SCUBE1: variants seen among roughly 807,000 people sequenced by gnomAD.
The protein encoded by SCUBE1 is signal peptide, CUB and EGF-like domain-containing protein 1.
SCUBE1 carries 59 observed loss-of-function variants against 124.4 expected under a neutral mutation model. The ratio of observed to expected loss-of-function variants is 0.47; its 90% CI spans 0.38 to 0.59. SCUBE1 has a LOEUF of 0.59. Among genes scored for constraint, SCUBE1 ranks in the 20% least tolerant of loss-of-function variants. The pLI, the probability that SCUBE1 is intolerant of heterozygous loss-of-function variation, is 0.00. For missense variants in SCUBE1, 1,150 were observed against 1,371.2 expected (o/e 0.84, Z 2.55); for synonymous variants, 545 against 550.9 (o/e 0.99, Z 0.15).
chr22:43,232,986 G>T (rs1417141747), intron 7 of SCUBE1, among the ~76,000 whole-genome samples: 1 of 152,184 alleles, frequency 6.6e-6, no homozygotes, highest in African/African-American at 2.4e-5. Context: ...AGGCCCCCAT[G>T]CTGGCCACCC....
chr22:43,311,618 T>C (rs1434062860), intron 3 of SCUBE1, among the ~76,000 whole-genome samples: 1 of 150,562 alleles, frequency 6.6e-6, no homozygotes, highest in Admixed American at 6.7e-5. Flanking sequence ...GTAGAAACGG[T>C]GTTTCACCAT....
intron 3 of SCUBE1, among the ~76,000 whole-genome samples, chr22:43,317,332 T>C (rs1264848616): frequency 6.6e-6 from 1 of 152,228 alleles, no homozygotes; most frequent in Non-Finnish European, 1.5e-5. Flanking sequence ...TCTTGGGAAG[T>C]GGATTACGCA....
In SCUBE1 at chr22:43,198,865, TCTG is replaced by T. The variant is rs1030519999; in HGVS notation, c.*5129_*5131del. 1.3e-5 allele frequency: 5 copies of T among 394,986 alleles called. No homozygotes were observed. The highest frequency in any genetic ancestry group is 1.0e-4 in the African/African-American group (5 of 48,442). 24.5% of individuals were successfully genotyped at this position (394,986 alleles called of 1,614,324 possible). A position where few individuals can be genotyped will look rare whatever the true frequency, so the allele number is the denominator to read the frequency against. ...CTGTCTGGGGAAGTGTGTCTGTCTGTCTGCTGTCTGGGGCAGTTTGCTGTCTGC... is the reference window on the plus strand; with the variant it reads ...CTGTCTGGGGAAGTGTGTCTGTCTGTCTGTCTGGGGCAGTTTGCTGTCTGC... On this transcript the variant is annotated 3_prime_UTR_variant, in exon 22 of 22. Transcript: ENST00000360835.
At chr22:43,339,350 A>T in intron 1 of SCUBE1, 115 bp from the exon 2 acceptor site, 2 of 1,004,302 alleles carry the variant, frequency 2.0e-6, no homozygotes, top group Non-Finnish European at 2.9e-6. Context: ...CGGTGGGCTC[A>T]TTGGCAATAA....
At chr22:43,208,361 G>C in intron 19 of SCUBE1, 137 bp from the exon 20 acceptor site, 1 of 773,772 alleles carries the variant, frequency 1.3e-6, no homozygotes, top group Non-Finnish European at 2.1e-6. Flanking sequence ...CTTAGTCTTT[G>C]TGCTTGCTCC....
rs1569029494 is a variant in SCUBE1, at chr22:43,320,083, TGA to T, written c.221-20_221-19del. The T allele has an allele frequency of 6.2e-7, 1 of 1,613,330 alleles. No individual in the cohort carries two copies. The highest frequency in any genetic ancestry group is 8.5e-7 in the Non-Finnish European group (1 of 1,179,530). On this transcript the variant is annotated intron_variant, in intron 2 of 21. Coordinates refer to ENST00000360835, the MANE Select transcript of SCUBE1 (RefSeq NM_173050.5). The stretch of plus-strand genomic sequence containing the variant: ...GTCAATGTCTGCAAAAGGAAGGGCA[TGA>T]GAGGTGTCAGAAGAAGAGCCTGGTG...
intron 11 of SCUBE1, 141 bp from the exon 12 acceptor site, chr22:43,222,883 G>C: frequency 1.1e-6 from 1 of 942,310 alleles, no homozygotes. Context: ...ACAACCACAG[G>C]GAAGTGGCCA....
intron 7 of SCUBE1, 96 bp downstream of exon 7, chr22:43,238,742 C>T (rs764180388): frequency 3.9e-5 from 39 of 998,194 alleles, no homozygotes; most frequent in East Asian, 3.1e-4. Context: ...ACGTGGCCCC[C>T]GTTCAGCCCA....
At chr22:43,226,740 C>T (rs1011203334) in intron 10 of SCUBE1, among the ~76,000 whole-genome samples, 13 of 151,842 alleles carry the variant, frequency 8.6e-5, no homozygotes, top group African/African-American at 2.2e-4. Context: ...AAGGACCCGG[C>T]GTGGAGGTTC....
rs2146643656 is a variant in SCUBE1 at position 43,202,489 on chromosome 22, C to G, written c.*1508G>C. 6.6e-6 allele frequency: 1 copy of G among 152,356 alleles called. No homozygotes were observed. Among genetic ancestry groups the G allele is most frequent in the Middle Eastern group, 3.4e-3 (1 of 294 alleles). 9.4% of individuals were successfully genotyped at this position (152,356 alleles called of 1,614,324 possible). ...AGCTCGCAGGCAGATGAAGAGCAGGCAAGGCCTCCTGGACCTCGGCATGGG... is the reference window on the plus strand; with the variant it reads ...AGCTCGCAGGCAGATGAAGAGCAGGGAAGGCCTCCTGGACCTCGGCATGGG... On this transcript the variant is annotated 3_prime_UTR_variant, in exon 22 of 22. Transcript: ENST00000360835.
chr22:43,285,019 A>G (rs1380625010), intron 4 of SCUBE1, among the ~76,000 whole-genome samples: 1 of 152,174 alleles, frequency 6.6e-6, no homozygotes, highest in African/African-American at 2.4e-5. Context: ...CAGAAGGTGA[A>G]ACGCACTTGG....
rs1229499782 is a variant in SCUBE1 at position 43,207,517 on chromosome 22, C to T, written c.2814+17G>A. The stretch of plus-strand genomic sequence containing the variant: ...ATCCCAGGGTTACGTGGATTCCCTT[C>T]CAATAAACTCACTCACTTTCAAAAT... On this transcript the variant is annotated intron_variant, in intron 21 of 21. Transcript: ENST00000360835. The T allele has an allele frequency of 2.5e-6, 4 of 1,601,334 alleles. No individual in the cohort carries two copies. Among genetic ancestry groups the T allele is most frequent in the African/African-American group, 1.3e-5 (1 of 74,680 alleles).
chr22:43,319,887 A>C, intron 3 of SCUBE1, 50 bp downstream of exon 3: 1 of 1,600,222 alleles, frequency 6.2e-7, no homozygotes, highest in Non-Finnish European at 8.5e-7. Flanking sequence ...GCTGGAGCAA[A>C]GCAACAGGCA....
chr22:43,213,954 G>A lies in SCUBE1; in HGVS notation c.2053+136C>T, dbSNP rs375244568. The A allele has an allele frequency of 6.8e-5, 65 of 949,470 alleles. No individual in the cohort carries two copies. In the South Asian group the frequency reaches 1.0e-3, roughly 15 times the overall value. 58.8% of individuals were successfully genotyped at this position (949,470 alleles called of 1,614,324 possible). A position where few individuals can be genotyped will look rare whatever the true frequency, so the allele number is the denominator to read the frequency against. On this transcript the variant is annotated intron_variant, in intron 16 of 21. Coordinates refer to ENST00000360835, the MANE Select transcript of SCUBE1 (RefSeq NM_173050.5). ...AGACATCGTGAAGGGTTTTGGAAAC[G>A]ACAAGGAACTTTAGAAAATACCACA...
rs1921047986 is a variant in SCUBE1 at position 43,202,563 on chromosome 22, C to T, written c.*1434G>A. 1 of 152,120 alleles carries T rather than the reference C, an allele frequency of 6.6e-6. No homozygotes were observed. Among genetic ancestry groups the T allele is most frequent in the African/African-American group, 2.4e-5 (1 of 41,358 alleles). 9.4% of individuals were successfully genotyped at this position (152,120 alleles called of 1,614,324 possible). A position where few individuals can be genotyped will look rare whatever the true frequency, so the allele number is the denominator to read the frequency against. ...GCTGGCCTTCCGGCTGGGTGGGACA[C>T]ATGCACTCGGTCACAGCCCAGACTC... On this transcript the variant is annotated 3_prime_UTR_variant, in exon 22 of 22. Coordinates refer to ENST00000360835, the MANE Select transcript of SCUBE1 (RefSeq NM_173050.5).
intron 4 of SCUBE1, among the ~76,000 whole-genome samples, chr22:43,269,822 G>C (rs112879656): frequency 2.6e-5 from 4 of 152,294 alleles, no homozygotes; most frequent in East Asian, 3.9e-4. Context: ...ACGTTGAAGG[G>C]GGGTGAAGGA....
At chr22:43,240,745 A>G (rs2146688284) in intron 6 of SCUBE1, among the ~76,000 whole-genome samples, 1 of 151,436 alleles carries the variant, frequency 6.6e-6, no homozygotes, top group East Asian at 2.0e-4. Context: ...CAGAGAGGGA[A>G]CTCCTGCCTC....
chr22:43,224,799 T>C, intron 10 of SCUBE1, among the ~76,000 whole-genome samples: 1 of 152,098 alleles, frequency 6.6e-6, no homozygotes, highest in Non-Finnish European at 1.5e-5. Flanking sequence ...CACTTTTGAC[T>C]GATGAAAGTG....
intron 3 of SCUBE1, among the ~76,000 whole-genome samples, chr22:43,296,305 C>T (rs9612035): frequency 1.3e-5 from 2 of 152,244 alleles, no homozygotes; most frequent in Non-Finnish European, 2.9e-5. Context: ...TGGGCCAGGG[C>T]TGAGCCTGCG....
Sources: allele counts gnomAD v4.1 joint callset (sites outside exome capture counted in the v4.1 genomes callset), GRCh38; gene constraint gnomAD v4.1.1; transcripts MANE v1.5; gene names NCBI Gene and HGNC (gene_info 2026-07-23, HGNC 2026-07-21).